Variants in GRID2 observed in about 807,000 individuals in gnomAD.
GRID2 encodes the protein glutamate ionotropic receptor delta type subunit 2, also known as glutamate receptor ionotropic, delta-2.
In GRID2, 33 loss-of-function variants were observed where a neutral mutation model predicts 114.8. The observed-to-expected ratio is 0.29, with a 90% CI of 0.22 to 0.38. The LOEUF is 0.38. Ranked by LOEUF, GRID2 falls within the 10% of genes least tolerant of loss-of-function variation. The pLI is 1.00. For missense variants in GRID2, 1,184 were observed against 1,257.7 expected (o/e 0.94, Z 0.89); for synonymous variants, 505 against 449.9 (o/e 1.12, Z -1.55).
intron 4 of GRID2, among the ~76,000 whole-genome samples, chr4:93,112,555 A>C (rs1219920600): frequency 6.6e-6 from 1 of 152,148 alleles, no homozygotes; most frequent in African/African-American, 2.4e-5. Flanking sequence ...AGTTTCCTGA[A>C]GCCTCCTCAG....
chr4:92,967,560 G>C (rs1753235001), intron 2 of GRID2, among the ~76,000 whole-genome samples: 1 of 151,764 alleles, frequency 6.6e-6, no homozygotes. Flanking sequence ...TTGCTGGAAA[G>C]CAAGCTCTTT....
chr4:93,279,601 C>T (rs1752438514), intron 8 of GRID2, among the ~76,000 whole-genome samples: 1 of 151,936 alleles, frequency 6.6e-6, no homozygotes, highest in Non-Finnish European at 1.5e-5. Flanking sequence ...ACTACCCCTA[C>T]ATTTATATGT....
chr4:92,896,825 C>T (rs1324917459), intron 2 of GRID2, among the ~76,000 whole-genome samples: 2 of 152,138 alleles, frequency 1.3e-5, no homozygotes, highest in African/African-American at 2.4e-5. Flanking sequence ...TCACTGACAC[C>T]TCTGCCTCCC....
At chr4:93,275,826 T>C (rs139351776) in intron 8 of GRID2, among the ~76,000 whole-genome samples, 15 of 151,988 alleles carry the variant, frequency 9.9e-5, no homozygotes, top group African/African-American at 3.6e-4. Flanking sequence ...TTTTTCTATA[T>C]TTTTAGGTTG....
At chr4:93,636,456 C>T (rs1217213578) in intron 14 of GRID2, among the ~76,000 whole-genome samples, 1 of 152,092 alleles carries the variant, frequency 6.6e-6, no homozygotes, top group African/African-American at 2.4e-5. Flanking sequence ...CACACGCACA[C>T]ACACATACTC....
intron 2 of GRID2, among the ~76,000 whole-genome samples, chr4:92,682,417 A>G (rs1733691693): frequency 6.6e-6 from 1 of 152,112 alleles, no homozygotes; most frequent in African/African-American, 2.4e-5. Flanking sequence ...AAGCCCAGAG[A>G]TCTGTGTTTT....
intron 13 of GRID2, among the ~76,000 whole-genome samples, chr4:93,604,200 A>G (rs1739975103): frequency 6.6e-6 from 1 of 152,248 alleles, no homozygotes; most frequent in Non-Finnish European, 1.5e-5. Context: ...GAGGAAGTCA[A>G]AATGTCAACA....
intron 4 of GRID2, among the ~76,000 whole-genome samples, chr4:93,192,959 A>G (rs1474799922): frequency 6.6e-6 from 1 of 152,164 alleles, no homozygotes; most frequent in Non-Finnish European, 1.5e-5. Flanking sequence ...TGTGTCTACA[A>G]AAGAAACAAA....
chr4:92,347,044 C>A (rs1213245842), intron 1 of GRID2, among the ~76,000 whole-genome samples: 1 of 152,076 alleles, frequency 6.6e-6, no homozygotes, highest in African/African-American at 2.4e-5. Flanking sequence ...GGAAAATGAC[C>A]ACTGCCAATA....
At chr4:92,964,801 C>A (rs1753032394) in intron 2 of GRID2, among the ~76,000 whole-genome samples, 1 of 151,960 alleles carries the variant, frequency 6.6e-6, no homozygotes, top group Non-Finnish European at 1.5e-5. Flanking sequence ...TTAGATTTTG[C>A]TTTGGCTTAA....
intron 4 of GRID2, among the ~76,000 whole-genome samples, chr4:93,115,253 T>A (rs1403620215): frequency 6.6e-6 from 1 of 152,130 alleles, no homozygotes; most frequent in Non-Finnish European, 1.5e-5. Context: ...AAATTTAATT[T>A]GTATTTACTT....
At chr4:93,613,780 G>A (rs1741250131) in intron 13 of GRID2, among the ~76,000 whole-genome samples, 1 of 151,644 alleles carries the variant, frequency 6.6e-6, no homozygotes, top group Admixed American at 6.6e-5. Flanking sequence ...TGTGTGCCCT[G>A]CCCCAAGACG....
Position 92,546,634 on chromosome 4 carries a change from A to G in GRID2, c.89-43497A>G, listed in dbSNP as rs554540127. Among the ~76,000 whole-genome samples, 12 of 152,316 alleles carry G rather than the reference A, an allele frequency of 7.9e-5. No individual in the cohort carries two copies. The South Asian group carries it at 2.5e-3, about 32-fold the overall frequency. ...AAAATCAAACGTAATATAGGAATTC[A>G]AAACATAGAAATGCACCTTAGTAAA... On this transcript the variant is annotated intron_variant, in intron 1 of 15. Transcript: ENST00000282020.
chr4:93,172,474 C>T (rs556884521), intron 4 of GRID2, among the ~76,000 whole-genome samples: 3 of 152,082 alleles, frequency 2.0e-5, no homozygotes, highest in Non-Finnish European at 2.9e-5. Flanking sequence ...TGCCTTTAAT[C>T]CCAGCTACTT....
intron 2 of GRID2, among the ~76,000 whole-genome samples, chr4:92,619,145 G>A (rs192756262): frequency 1.3e-5 from 2 of 151,714 alleles, no homozygotes; most frequent in Admixed American, 6.6e-5. Flanking sequence ...TTGTGTTTAC[G>A]TAGTATGAGT....
At chr4:93,491,686 A>G (rs1258264124) in intron 12 of GRID2, among the ~76,000 whole-genome samples, 2 of 151,930 alleles carry the variant, frequency 1.3e-5, no homozygotes, top group African/African-American at 4.8e-5. Context: ...ATAATTAGAT[A>G]TGTCAGGGAA....
intron 2 of GRID2, among the ~76,000 whole-genome samples, chr4:92,816,946 A>T (rs1463326533): frequency 6.6e-6 from 1 of 152,124 alleles, no homozygotes; most frequent in African/African-American, 2.4e-5. Flanking sequence ...TTTGTACATA[A>T]CTACCTAGCT....
In GRID2 at chr4:92,770,765, C is replaced by A. The variant is rs140020477; in HGVS notation, c.244+180479C>A. The stretch of plus-strand genomic sequence containing the variant: ...GCGGGAAAGACCCACCACCATAATT[C>A]AATCACCTCCAACCGGGTTCCTCCC... On this transcript the variant is annotated intron_variant, in intron 2 of 15. Coordinates refer to ENST00000282020, the MANE Select transcript of GRID2 (RefSeq NM_001510.4). 2.8e-3 allele frequency among the ~76,000 whole-genome samples: 431 copies of A among 152,238 alleles called. 2 individuals are homozygous for A. Among genetic ancestry groups the A allele is most frequent in the African/African-American group, 9.9e-3 (412 of 41,538 alleles).
chr4:92,519,205 T>TA (rs777916157), intron 1 of GRID2, among the ~76,000 whole-genome samples: 1 of 151,806 alleles, frequency 6.6e-6, no homozygotes, highest in Non-Finnish European at 1.5e-5. Context: ...CATGAATTTT[T>TA]AAAAAATTAT....
Sources: gnomAD v4.1 joint callset for allele counts (sites outside exome capture counted in the v4.1 genomes callset) on GRCh38, gnomAD v4.1.1 for gene constraint, MANE v1.5 for transcripts, NCBI Gene and HGNC (gene_info 2026-07-23, HGNC 2026-07-21) for gene names.